TENM4: variants seen among roughly 807,000 people sequenced by gnomAD.
The protein encoded by TENM4 is teneurin-4.
Under a neutral mutation model 243.3 loss-of-function variants are expected in TENM4, and 82 were observed. The ratio of observed to expected loss-of-function variants is 0.34; its 90% CI spans 0.28 to 0.40. TENM4 has a LOEUF of 0.40. TENM4 is among the 10% of genes least tolerant of loss of function. The pLI is 1.00. For synonymous variants in TENM4, 1,412 were observed against 1,456.3 expected (o/e 0.97, Z 0.69); for missense variants, 3,138 against 3,673.3 (o/e 0.85, Z 3.77).
intron 1 of TENM4, among the ~76,000 whole-genome samples, chr11:79,434,559 T>G (rs1433595161): frequency 6.6e-6 from 1 of 152,186 alleles, no homozygotes; most frequent in Non-Finnish European, 1.5e-5. Flanking sequence ...CAGAAAGTGA[T>G]GATTCCAAGA....
intron 6 of TENM4, among the ~76,000 whole-genome samples, chr11:78,959,107 C>T (rs1857265259): frequency 1.3e-5 from 2 of 152,176 alleles, no homozygotes; most frequent in Non-Finnish European, 2.9e-5. Context: ...CTCTGCTACA[C>T]TGTGGTCCTT....
chr11:79,136,622 CAGAGGTTTGTTCTCA>C (rs1862115423), intron 4 of TENM4, among the ~76,000 whole-genome samples: 1 of 152,082 alleles, frequency 6.6e-6, no homozygotes, highest in Non-Finnish European at 1.5e-5. Context: ...ATGGAAAAGG[CAGAGGTTTGTTCTCA>C]CTGGAACAGA....
intron 6 of TENM4, among the ~76,000 whole-genome samples, chr11:78,968,478 G>A (rs1490122524): frequency 6.6e-6 from 1 of 152,126 alleles, no homozygotes; most frequent in African/African-American, 2.4e-5. Flanking sequence ...GACAGACGAG[G>A]TTTCGCCAGG....
chr11:78,690,991 A>T, intron 28 of TENM4, among the ~76,000 whole-genome samples: 1 of 152,230 alleles, frequency 6.6e-6, no homozygotes, highest in Admixed American at 6.5e-5. Context: ...AGTTTTACAG[A>T]TAAGAATTGA....
At chr11:79,067,081 A>G (rs1860280567) in intron 5 of TENM4, among the ~76,000 whole-genome samples, 1 of 151,962 alleles carries the variant, frequency 6.6e-6, no homozygotes, top group African/African-American at 2.4e-5. Context: ...AATACCCCCA[A>G]TCTCCTCATG....
intron 6 of TENM4, among the ~76,000 whole-genome samples, chr11:78,929,956 CA>C (rs1446145828): frequency 2.0e-5 from 3 of 152,172 alleles, no homozygotes; most frequent in Admixed American, 6.5e-5. Flanking sequence ...GAGGACTGAA[CA>C]ATTTAAACTG....
intron 1 of TENM4, among the ~76,000 whole-genome samples, chr11:79,311,472 G>A (rs1856720438): frequency 6.6e-6 from 1 of 152,230 alleles, no homozygotes; most frequent in Non-Finnish European, 1.5e-5. Flanking sequence ...AGACACAGCG[G>A]ATGTGCTACT....
chr11:79,201,681 T>C (rs1467669381), intron 3 of TENM4, among the ~76,000 whole-genome samples: 1 of 151,816 alleles, frequency 6.6e-6, no homozygotes, highest in Non-Finnish European at 1.5e-5. Flanking sequence ...ACCACTGATA[T>C]AGTCCCGTGC....
chr11:79,218,241 C>T lies in TENM4; in HGVS notation c.-264-2332G>A, dbSNP rs61659263. On this transcript the variant is annotated intron_variant, in intron 2 of 33. Coordinates refer to ENST00000278550, the MANE Select transcript of TENM4 (RefSeq NM_001098816.3). Reference sequence around the variant, plus strand: ...GAAGTTTACCCCCTGCCCACCCACCCCCGACACACACAACCCCACCCCAAG... The same window carrying T: ...GAAGTTTACCCCCTGCCCACCCACCTCCGACACACACAACCCCACCCCAAG... Among the ~76,000 whole-genome samples, 334 of 144,048 alleles carry T rather than the reference C, an allele frequency of 2.3e-3. 5 individuals are homozygous for T. Among genetic ancestry groups the T allele is most frequent in the African/African-American group, 7.1e-3 (272 of 38,134 alleles). The allele number at this position is 144,048 out of a possible 152,430, so 94.5% of individuals were successfully genotyped here.
At chr11:78,843,856 A>C (rs1858320231) in intron 12 of TENM4, among the ~76,000 whole-genome samples, 1 of 152,226 alleles carries the variant, frequency 6.6e-6, no homozygotes, top group Non-Finnish European at 1.5e-5. Context: ...GTGCCTTGAA[A>C]GGGTGGCTGT....
Position 78,785,050 on chromosome 11 carries a change from T to G in TENM4, c.2365+1848A>C, listed in dbSNP as rs1856906650. 8.9e-5 allele frequency among the ~76,000 whole-genome samples: 5 copies of G among 56,152 alleles called. No individual in the cohort carries two copies. The South Asian group carries it at 1.6e-3, about 18-fold the overall frequency. The allele number at this position is 56,152 out of a possible 152,430, so 36.8% of individuals were successfully genotyped here. ...CTGGGCTCTGGTTTTTTTGTTTCTG[T>G]TTTTGTTTTTTTTTTTTGTTTTTGT... On this transcript the variant is annotated intron_variant, in intron 16 of 33. Transcript: ENST00000278550.
chr11:78,731,357 T>C (rs947856771), intron 21 of TENM4, among the ~76,000 whole-genome samples: 5 of 152,224 alleles, frequency 3.3e-5, no homozygotes, highest in Non-Finnish European at 7.3e-5. Flanking sequence ...GCAATGAGAA[T>C]TTCAAAATGA....
chr11:78,954,147 TG>T (rs1225295329), intron 6 of TENM4, among the ~76,000 whole-genome samples: 3 of 152,030 alleles, frequency 2.0e-5, no homozygotes, highest in Admixed American at 1.3e-4. Flanking sequence ...TAACCAGTAA[TG>T]GGGGATCCAG....
intron 1 of TENM4, among the ~76,000 whole-genome samples, chr11:79,383,235 G>T (rs956060477): frequency 2.6e-5 from 4 of 152,200 alleles, no homozygotes; most frequent in African/African-American, 9.7e-5. Context: ...GTGCTGCCTA[G>T]CACTACAATG....
intron 19 of TENM4, among the ~76,000 whole-genome samples, chr11:78,749,858 A>T (rs1217284992): frequency 6.6e-6 from 1 of 152,178 alleles, no homozygotes; most frequent in East Asian, 1.9e-4. Context: ...GGTGAGGGTC[A>T]GATCTTTCTC....
intron 6 of TENM4, among the ~76,000 whole-genome samples, chr11:79,032,912 C>A (rs893888256): frequency 1.3e-5 from 2 of 152,090 alleles, no homozygotes; most frequent in African/African-American, 2.4e-5. Context: ...TTCACTTGTC[C>A]AGGGAGAACA....
chr11:78,731,774 A>G (rs900711094), intron 21 of TENM4, among the ~76,000 whole-genome samples: 2 of 152,230 alleles, frequency 1.3e-5, no homozygotes, highest in Admixed American at 1.3e-4. Flanking sequence ...AGCCAAGGCA[A>G]TCCTTAATTG....
chr11:79,091,111 C>T (rs1860937677), intron 4 of TENM4, among the ~76,000 whole-genome samples: 1 of 152,134 alleles, frequency 6.6e-6, no homozygotes, highest in Non-Finnish European at 1.5e-5. Flanking sequence ...AGCCTAGGCG[C>T]TTACTTATTT....
At chr11:78,811,686 C>T (rs1222402177) in intron 14 of TENM4, among the ~76,000 whole-genome samples, 2 of 152,018 alleles carry the variant, frequency 1.3e-5, no homozygotes, top group African/African-American at 4.8e-5. Context: ...AGCAGATGAG[C>T]CTAGAGGGGA....
Sources: gnomAD v4.1 joint callset for allele counts (sites outside exome capture counted in the v4.1 genomes callset) on GRCh38, gnomAD v4.1.1 for gene constraint, MANE v1.5 for transcripts, NCBI Gene and HGNC (gene_info 2026-07-23, HGNC 2026-07-21) for gene names.